The following PAK2 variants were observed in gnomAD, a reference collection of about 807,000 sequenced individuals.
PAK2 encodes the protein p21 (RAC1) activated kinase 2.
A neutral mutation model predicts 65.9 loss-of-function variants in PAK2; 21 were observed. The ratio of observed to expected loss-of-function variants is 0.32; its 90% CI spans 0.23 to 0.46. PAK2 has a LOEUF of 0.46. Among genes scored for constraint, PAK2 ranks in the 20% least tolerant of loss-of-function variants. The probability of loss-of-function intolerance (pLI) is 1.00; values close to 1 mark genes in which losing one functional copy is unlikely to be tolerated. For missense variants in PAK2, 324 were observed against 642.6 expected, an observed-to-expected ratio of 0.50 and a Z score of 5.36; for synonymous variants, 204 against 219.7, an observed-to-expected ratio of 0.93 and a Z score of 0.63.
intron 8 of PAK2, among the ~76,000 whole-genome samples, chr3:196,811,731 A>G (rs1715832923): frequency 6.6e-6 from 1 of 152,044 alleles, no homozygotes; most frequent in Non-Finnish European, 1.5e-5. Flanking sequence ...AAACTATATG[A>G]CGTTTAAAAA....
intron 1 of PAK2, among the ~76,000 whole-genome samples, chr3:196,747,824 TGCCAAA>T (rs1713440884): frequency 1.3e-5 from 2 of 152,148 alleles, no homozygotes; most frequent in Admixed American, 6.5e-5. Flanking sequence ...CTTCCTAATC[TGCCAAA>T]GACAAAGAGG....
In PAK2 at chr3:196,828,761, G is replaced by C; in HGVS notation, c.*356G>C. The C allele has an allele frequency of 5.0e-6, 1 of 199,114 alleles. No homozygotes were observed. Among genetic ancestry groups the C allele is most frequent in the Non-Finnish European group, 1.0e-5 (1 of 98,992 alleles). The allele number at this position is 199,114 out of a possible 1,614,324, so 12.3% of individuals were successfully genotyped here. A position where few individuals can be genotyped will look rare whatever the true frequency, so the allele number is the denominator to read the frequency against. On this transcript the variant is annotated 3_prime_UTR_variant, in exon 15 of 15. Coordinates refer to ENST00000327134, the MANE Select transcript of PAK2 (RefSeq NM_002577.4). ...CCCCTTTGGGGTATTTCCAATACTT[G>C]AATGGCAGATTGGAGTTTTTCAGAG...
chr3:196,744,040 T>C (rs1030625515), intron 1 of PAK2, among the ~76,000 whole-genome samples: 4 of 152,150 alleles, frequency 2.6e-5, no homozygotes, highest in African/African-American at 9.7e-5. Context: ...CATAGGGTTT[T>C]TGAACACAAA....
intron 2 of PAK2, among the ~76,000 whole-genome samples, chr3:196,795,581 A>G (rs1046217161): frequency 6.6e-6 from 1 of 152,144 alleles, no homozygotes; most frequent in African/African-American, 2.4e-5. Context: ...GTGATCCCAG[A>G]CTTTATTTAA....
At position 196,787,580 on chromosome 3, in the gene PAK2, G is replaced by GAA. The variant is rs58321910; in HGVS notation, c.187+4763_187+4764dup. Among the ~76,000 whole-genome samples, 827 of 127,504 alleles carry GAA rather than the reference G, an allele frequency of 6.5e-3. 3 individuals carry two copies. Among genetic ancestry groups the GAA allele is most frequent in the Middle Eastern group, 0.02 (4 of 204 alleles). 83.6% of individuals were successfully genotyped at this position (127,504 alleles called of 152,430 possible). Reference sequence around the variant, plus strand: ...GGCGACAGAGCGAGACTCCGTCTCAGAAAAAAAAAAAAAAAAAGAATTGTA... The same window carrying GAA: ...GGCGACAGAGCGAGACTCCGTCTCAGAAAAAAAAAAAAAAAAAAAGAATTGTA... On this transcript the variant is annotated intron_variant, in intron 2 of 14. Transcript: ENST00000327134.
At chr3:196,821,217 A>G (rs1209580802) in intron 13 of PAK2, among the ~76,000 whole-genome samples, 1 of 151,978 alleles carries the variant, frequency 6.6e-6, no homozygotes, top group Non-Finnish European at 1.5e-5. Context: ...AAACCTCAAC[A>G]ATCAGAGGCT....
At chr3:196,810,164 C>A (rs1715726200) in intron 7 of PAK2, among the ~76,000 whole-genome samples, 1 of 151,672 alleles carries the variant, frequency 6.6e-6, no homozygotes, top group South Asian at 2.1e-4. Context: ...TCAAATATAT[C>A]TATTTCTATA....
chr3:196,765,684 A>G (rs747786853), intron 1 of PAK2, among the ~76,000 whole-genome samples: 1 of 152,216 alleles, frequency 6.6e-6, no homozygotes, highest in African/African-American at 2.4e-5. Context: ...GTGAGAATAG[A>G]TAATACAGGT....
At chr3:196,825,135 T>C (rs547092400) in intron 13 of PAK2, among the ~76,000 whole-genome samples, 17 of 148,128 alleles carry the variant, frequency 1.1e-4, no homozygotes, top group South Asian at 6.5e-4. Flanking sequence ...CGCTTGAGGT[T>C]AGGAGTTTGA....
At chr3:196,740,883 A>T (rs1713169479) in intron 1 of PAK2, among the ~76,000 whole-genome samples, 1 of 148,984 alleles carries the variant, frequency 6.7e-6, no homozygotes, top group African/African-American at 2.6e-5. Context: ...AAACGTTGCC[A>T]CTCAACCTTT....
chr3:196,796,763 TAAAAG>T (rs1715271884), intron 2 of PAK2, among the ~76,000 whole-genome samples: 1 of 152,074 alleles, frequency 6.6e-6, no homozygotes, highest in African/African-American at 2.4e-5. Context: ...TGTTAACAAT[TAAAAG>T]AAACCTGGAC....
chr3:196,811,674 TC>T (rs1180952257), intron 8 of PAK2, among the ~76,000 whole-genome samples: 8 of 151,952 alleles, frequency 5.3e-5, no homozygotes, highest in African/African-American at 1.9e-4. Flanking sequence ...CCATCACAAA[TC>T]CAGTGTTGAG....
intron 1 of PAK2, among the ~76,000 whole-genome samples, chr3:196,765,564 G>A (rs1238124552): frequency 2.0e-5 from 3 of 152,022 alleles, no homozygotes; most frequent in African/African-American, 7.2e-5. Context: ...CTTGTTTTTT[G>A]CCAATGTAGA....
chr3:196,822,191 T>G (rs1047636225), intron 13 of PAK2, among the ~76,000 whole-genome samples: 8 of 152,212 alleles, frequency 5.3e-5, no homozygotes, highest in Non-Finnish European at 1.2e-4. Flanking sequence ...ATTTAGCCAG[T>G]ATTGGTTTGG....
chr3:196,758,090 C>A (rs756350775), intron 1 of PAK2, among the ~76,000 whole-genome samples: 2 of 152,144 alleles, frequency 1.3e-5, no homozygotes, highest in Non-Finnish European at 2.9e-5. Flanking sequence ...TTTATTCATT[C>A]AAGAAATAAT....
intron 1 of PAK2, among the ~76,000 whole-genome samples, chr3:196,778,768 T>G (rs1026877968): frequency 6.6e-6 from 1 of 152,230 alleles, no homozygotes; most frequent in Non-Finnish European, 1.5e-5. Flanking sequence ...TTTCTCAGTC[T>G]TGTTTTTCGT....
intron 11 of PAK2, among the ~76,000 whole-genome samples, chr3:196,815,361 G>C (rs1345301888): frequency 2.7e-5 from 4 of 150,654 alleles, no homozygotes; most frequent in African/African-American, 7.3e-5. Flanking sequence ...GCATGGTGGT[G>C]CACGCCTGTA....
chr3:196,775,946 C>T (rs6798777), intron 1 of PAK2, among the ~76,000 whole-genome samples: 4 of 151,940 alleles, frequency 2.6e-5, no homozygotes, highest in Admixed American at 2.0e-4. Flanking sequence ...TGTGTTCTGT[C>T]GAGTATAAGA....
chr3:196,741,710 A>G (rs1247736757), intron 1 of PAK2, among the ~76,000 whole-genome samples: 1 of 152,204 alleles, frequency 6.6e-6, no homozygotes, highest in African/African-American at 2.4e-5. Flanking sequence ...CTCAGCTTCA[A>G]TACTGTCATC....
Sources: allele counts gnomAD v4.1 joint callset (sites outside exome capture counted in the v4.1 genomes callset), GRCh38; gene constraint gnomAD v4.1.1; transcripts MANE v1.5; gene names NCBI Gene and HGNC (gene_info 2026-07-23, HGNC 2026-07-21).